The following RBFOX3 variants were observed in gnomAD, a reference collection of about 807,000 sequenced individuals.
RBFOX3 encodes RNA binding fox-1 homolog 3, also known as RNA binding protein fox-1 homolog 3.
Under a neutral mutation model 48.7 loss-of-function variants are expected in RBFOX3, and 17 were observed. The ratio of observed to expected loss-of-function variants is 0.35; its 90% confidence interval spans 0.24 to 0.52. The LOEUF is 0.52. RBFOX3 is among the 20% of genes least tolerant of loss of function. RBFOX3 has a pLI of 0.94. For missense variants in RBFOX3, 382 were observed against 497.5 expected (o/e 0.77, Z 2.21); for synonymous variants, 212 against 209.5 (o/e 1.01, Z -0.10).
At chr17:79,179,877 G>C (rs2051479289) in intron 4 of RBFOX3, among the ~76,000 whole-genome samples, 1 of 152,194 alleles carries the variant, frequency 6.6e-6, no homozygotes, top group Non-Finnish European at 1.5e-5. Context: ...AGGGTTCCTA[G>C]GAGGGGTCAG....
the RBFOX3 span, among the ~76,000 whole-genome samples, chr17:79,630,997 C>T: frequency 2.0e-5 from 3 of 152,152 alleles, no homozygotes; most frequent in Admixed American, 6.5e-5. Context: ...TGGCCAGGGA[C>T]GGCCGTCAGA....
At chr17:79,151,320 G>T (rs1400112897) in intron 4 of RBFOX3, among the ~76,000 whole-genome samples, 1 of 149,170 alleles carries the variant, frequency 6.7e-6, no homozygotes, top group African/African-American at 2.5e-5. Flanking sequence ...CCCACGGGAC[G>T]CGTGGTCCCG....
At chr17:79,153,425 G>C (rs1326249215) in intron 4 of RBFOX3, among the ~76,000 whole-genome samples, 2 of 152,174 alleles carry the variant, frequency 1.3e-5, no homozygotes, top group Non-Finnish European at 2.9e-5. Context: ...TTTGGGGCTG[G>C]TGGGGTGATA....
At chr17:79,300,384 A>C (rs1044735111) in intron 3 of RBFOX3, among the ~76,000 whole-genome samples, 2 of 152,216 alleles carry the variant, frequency 1.3e-5, no homozygotes, top group East Asian at 3.9e-4. Context: ...AAGAATCAGA[A>C]AGGGAAGTGG....
chr17:79,310,042 G>A (rs926785971), intron 2 of RBFOX3, among the ~76,000 whole-genome samples: 6 of 152,174 alleles, frequency 3.9e-5, no homozygotes, highest in East Asian at 3.9e-4. Context: ...GAGCTGCTGC[G>A]TGGTCTCCAT....
intron 2 of RBFOX3, among the ~76,000 whole-genome samples, chr17:79,322,322 G>A (rs1304378383): frequency 1.3e-5 from 2 of 152,182 alleles, no homozygotes; most frequent in Non-Finnish European, 2.9e-5. Flanking sequence ...CGGAGGCTGG[G>A]GCTACGCACT....
chr17:79,125,765 TG>T (rs2037070178), intron 4 of RBFOX3, among the ~76,000 whole-genome samples: 1 of 151,860 alleles, frequency 6.6e-6, no homozygotes, highest in African/African-American at 2.4e-5. Flanking sequence ...CAGGCTGCAG[TG>T]GGAGTGAGGC....
rs556738435 is a variant in RBFOX3, at chr17:79,295,403, T to C, written c.-74+12321A>G. 1.1e-4 allele frequency among the ~76,000 whole-genome samples: 17 copies of C among 152,250 alleles called. No individual in the cohort carries two copies. In the East Asian group the frequency reaches 3.1e-3, roughly 28 times the overall value. Reference sequence around the variant, plus strand: ...AGGAGGAAAAAATTAATGCACAACCTGGCAAGGTGAGGGAGCGAGGGAGGG... The same window carrying C: ...AGGAGGAAAAAATTAATGCACAACCCGGCAAGGTGAGGGAGCGAGGGAGGG... On this transcript the variant is annotated intron_variant, in intron 3 of 14. Coordinates refer to ENST00000693108, the MANE Select transcript of RBFOX3 (RefSeq NM_001350451.2).
At chr17:79,436,810 A>T (rs2069564784) in intron 2 of RBFOX3, among the ~76,000 whole-genome samples, 1 of 152,130 alleles carries the variant, frequency 6.6e-6, no homozygotes, top group South Asian at 2.1e-4. Flanking sequence ...CCAAGGCCCA[A>T]GGCACTGGGA....
At chr17:79,315,924 T>C (rs897439631) in intron 2 of RBFOX3, among the ~76,000 whole-genome samples, 2 of 151,764 alleles carry the variant, frequency 1.3e-5, no homozygotes, top group Admixed American at 1.3e-4. Context: ...CGAGATTGGA[T>C]TGGAAACAAT....
chr17:79,104,271 C>T (rs2076968160), intron 6 of RBFOX3, 145 bp from the exon 7 acceptor site: 1 of 737,458 alleles, frequency 1.4e-6, no homozygotes, highest in Non-Finnish European at 2.3e-6. Context: ...ACCGGGGACC[C>T]CCTCCCACCC....
At chr17:79,184,000 G>C (rs1265451863) in intron 4 of RBFOX3, among the ~76,000 whole-genome samples, 1 of 152,222 alleles carries the variant, frequency 6.6e-6, no homozygotes, top group Non-Finnish European at 1.5e-5. Context: ...CGGAGAGGAG[G>C]AGCCGCTCCG....
chr17:79,617,287 TACCAGCCTAAAA>T, the RBFOX3 span, among the ~76,000 whole-genome samples: 1 of 152,154 alleles, frequency 6.6e-6, no homozygotes, highest in Non-Finnish European at 1.5e-5. Context: ...GGTCTTAGCC[TACCAGCCTAAAA>T]ACCTTATCTG....
intron 4 of RBFOX3, among the ~76,000 whole-genome samples, chr17:79,196,808 G>T (rs908028574): frequency 6.6e-6 from 1 of 152,196 alleles, no homozygotes; most frequent in Non-Finnish European, 1.5e-5. Flanking sequence ...AATGCATTAT[G>T]CTTATTTTCA....
rs545290910 is a variant in RBFOX3, at chr17:79,220,085, TG to T, written c.-34+15680del. On this transcript the variant is annotated intron_variant, in intron 4 of 14. Transcript: ENST00000693108. This position sits in a 1 kb window ranked among gnomAD's most constrained non-coding sequence, Gnocchi z 5.9. ...TGGCATGGCCTGGGAAGGCACGGGG[TG>T]GGGGGGTGGGGGGAGCACGCTGAGC... Among the ~76,000 whole-genome samples the T allele has an allele frequency of 8.6e-5, 2 of 23,356 alleles. No individual in the cohort carries two copies. The highest frequency in any genetic ancestry group is 1.4e-3 in the East Asian group (1 of 720). The allele number at this position is 23,356 out of a possible 152,430, so 15.3% of individuals were successfully genotyped here. A position where few individuals can be genotyped will look rare whatever the true frequency, so the allele number is the denominator to read the frequency against.
At chr17:79,532,828 C>T (rs868992898) in intron 1 of RBFOX3, among the ~76,000 whole-genome samples, 1 of 151,954 alleles carries the variant, frequency 6.6e-6, no homozygotes, top group East Asian at 1.9e-4. Flanking sequence ...CTATTGAACA[C>T]GTGTGTGTGT....
At position 79,322,603 on chromosome 17, in the gene RBFOX3, C is replaced by T. The variant is rs183243558; in HGVS notation, c.-174-14779G>A. ...ATCCAAAGGCAATGGTGGCCAAGCA[C>T]GACCCCGAAGGGAGGGGGTACAGAG... is the stretch of plus-strand genomic sequence containing the variant. On this transcript the variant is annotated intron_variant, in intron 2 of 14. Transcript: ENST00000693108. Among the ~76,000 whole-genome samples the T allele has an allele frequency of 9.3e-4, 142 of 152,292 alleles. 1 individual carries two copies. The highest frequency in any genetic ancestry group is 3.2e-3 in the African/African-American group (133 of 41,558).
At chr17:79,344,274 G>C (rs2082535035) in intron 2 of RBFOX3, among the ~76,000 whole-genome samples, 1 of 152,084 alleles carries the variant, frequency 6.6e-6, no homozygotes. Context: ...CTTGATTTGG[G>C]GGAAATTTTA....
intron 1 of RBFOX3, among the ~76,000 whole-genome samples, chr17:79,560,863 AGG>A (rs2092166905): frequency 6.6e-6 from 1 of 152,154 alleles, no homozygotes; most frequent in Non-Finnish European, 1.5e-5. Flanking sequence ...CAGCTGCCCC[AGG>A]GGGTAGGAAG....
Sources: allele counts gnomAD v4.1 joint callset (sites outside exome capture counted in the v4.1 genomes callset), GRCh38; gene constraint gnomAD v4.1.1; non-coding constraint Gnocchi (gnomAD v3.1); transcripts MANE v1.5; gene names NCBI Gene and HGNC (gene_info 2026-07-23, HGNC 2026-07-21).